Variants in RSPRY1 observed in about 807,000 individuals in gnomAD.
RSPRY1 encodes RING finger and SPRY domain-containing protein 1.
RSPRY1 carries 23 observed loss-of-function variants against 73.1 expected under a neutral mutation model. That is an observed-to-expected ratio of 0.31 (90% CI 0.23 to 0.45). The LOEUF is 0.45. RSPRY1 is among the 20% of genes least tolerant of loss of function. The pLI, the probability that RSPRY1 is intolerant of heterozygous loss-of-function variation, is 1.00. For synonymous variants in RSPRY1, 226 were observed against 251.4 expected, an observed-to-expected ratio of 0.90 and a Z score of 0.95; for missense variants, 448 against 698.7, an observed-to-expected ratio of 0.64 and a Z score of 4.05.
intron 10 of RSPRY1, among the ~76,000 whole-genome samples, chr16:57,221,765 A>G (rs569406039): frequency 6.6e-6 from 1 of 152,312 alleles, no homozygotes; most frequent in East Asian, 1.9e-4. Context: ...CCTTGAATTG[A>G]AGCTCTTAAG....
intron 9 of RSPRY1, 48 bp downstream of exon 9, chr16:57,220,895 T>C: frequency 7.6e-7 from 1 of 1,319,018 alleles, no homozygotes; most frequent in African/African-American, 1.4e-5. Flanking sequence ...GAGAGGGTAA[T>C]TATTTTAATC....
In RSPRY1 at chr16:57,229,232, G is replaced by A. The variant is rs577789490; in HGVS notation, c.1274-1479G>A. Among the ~76,000 whole-genome samples the A allele has an allele frequency of 9.2e-5, 14 of 152,248 alleles. No individual in the cohort carries two copies. In the South Asian group the frequency reaches 2.9e-3, roughly 32 times the overall value. On this transcript the variant is annotated intron_variant, in intron 11 of 14. Coordinates refer to ENST00000394420, the MANE Select transcript of RSPRY1 (RefSeq NM_133368.3). ...AGATTTTCCTCCACCAGCATTGAGT[G>A]TCCATTTTTCTTGTCATTGCTGTGT...
At position 57,240,161 on chromosome 16, in the gene RSPRY1, T is replaced by G. The variant is rs1237042916; in HGVS notation, c.*1186T>G. 1 of 152,192 alleles carries G rather than the reference T, an allele frequency of 6.6e-6. No homozygotes were observed. The highest frequency in any genetic ancestry group is 1.9e-4 in the East Asian group (1 of 5,198). 9.4% of individuals were successfully genotyped at this position (152,192 alleles called of 1,614,324 possible). On this transcript the variant is annotated 3_prime_UTR_variant, in exon 15 of 15. Transcript: ENST00000394420. ...CCTTACAGAGTTTATACTTGAATAGTAAATATGTCTTCTGAGTTTTACAGT... is the reference window on the plus strand; with the variant it reads ...CCTTACAGAGTTTATACTTGAATAGGAAATATGTCTTCTGAGTTTTACAGT...
intron 4 of RSPRY1, 38 bp downstream of exon 4, chr16:57,209,225 T>C: frequency 7.5e-7 from 1 of 1,332,094 alleles, no homozygotes; most frequent in Non-Finnish European, 1.1e-6. Context: ...CTATCATTTG[T>C]GCTTAAGCAC....
intron 5 of RSPRY1, among the ~76,000 whole-genome samples, chr16:57,213,549 G>A (rs927510530): frequency 6.6e-6 from 1 of 152,220 alleles, no homozygotes; most frequent in Non-Finnish European, 1.5e-5. Flanking sequence ...GTTTATGAAT[G>A]TTACCCATTT....
Position 57,213,074 on chromosome 16 carries a change from G to T in RSPRY1, c.619G>T (p.Gly207Cys). 3 of 1,613,402 alleles carry T rather than the reference G, an allele frequency of 1.9e-6. No homozygotes were observed. Among genetic ancestry groups the T allele is most frequent in the Non-Finnish European group, 2.5e-6 (3 of 1,179,624 alleles). Residue 207 changes from glycine (G) to cysteine (C), a missense_variant, in exon 5 of 15, where the codon GGC becomes TGC. By Grantham distance (159) the Gly-to-Cys change is radical. Coordinates refer to ENST00000394420, the MANE Select transcript of RSPRY1 (RefSeq NM_133368.3). The part of the protein sequence containing the change: ...AKHRNTSAVL[G>C]CLAEKLAGPA... ...ACACAGGAACACATCTGCAGTCCTAGGCTGCTTGGCCGAGAAACTAGCAGG... is the reference window on the plus strand; with the variant it reads ...ACACAGGAACACATCTGCAGTCCTATGCTGCTTGGCCGAGAAACTAGCAGG...
intron 3 of RSPRY1, among the ~76,000 whole-genome samples, chr16:57,208,677 G>T (rs2074777429): frequency 6.6e-6 from 1 of 152,020 alleles, no homozygotes; most frequent in African/African-American, 2.4e-5. Context: ...TGGGATTACA[G>T]GTGTGAGCCA....
intron 10 of RSPRY1, among the ~76,000 whole-genome samples, chr16:57,222,810 A>G (rs182382189): frequency 5.9e-5 from 9 of 152,330 alleles, no homozygotes; most frequent in Admixed American, 5.9e-4. Flanking sequence ...GGAAGCTTCG[A>G]TATAAAACTT....
intron 11 of RSPRY1, among the ~76,000 whole-genome samples, chr16:57,229,832 A>G (rs1274733036): frequency 6.9e-6 from 1 of 145,208 alleles, no homozygotes; most frequent in East Asian, 2.1e-4. Flanking sequence ...CAGCCTCCCA[A>G]GTAGCTGGGA....
intron 10 of RSPRY1, among the ~76,000 whole-genome samples, chr16:57,225,160 A>G (rs1354600180): frequency 6.6e-6 from 1 of 152,238 alleles, no homozygotes; most frequent in Non-Finnish European, 1.5e-5. Flanking sequence ...TCCCAGGTTC[A>G]GGCGATTCTT....
intron 13 of RSPRY1, among the ~76,000 whole-genome samples, chr16:57,233,764 A>T (rs905630671): frequency 6.6e-6 from 1 of 152,150 alleles, no homozygotes; most frequent in African/African-American, 2.4e-5. Context: ...TCCACATTCA[A>T]TCCCTCAGCA....
intron 5 of RSPRY1, among the ~76,000 whole-genome samples, 194 bp downstream of exon 5, chr16:57,213,292 A>C (rs1175403424): frequency 6.6e-6 from 1 of 152,212 alleles, no homozygotes; most frequent in African/African-American, 2.4e-5. Flanking sequence ...AGCTTTGTGG[A>C]TTTTCAGGGG....
intron 1 of RSPRY1, among the ~76,000 whole-genome samples, chr16:57,190,927 C>T (rs1478154899): frequency 6.6e-6 from 1 of 152,192 alleles, no homozygotes; most frequent in African/African-American, 2.4e-5. Flanking sequence ...TCTTAGAGAA[C>T]ATTCCGCTTT....
intron 1 of RSPRY1, among the ~76,000 whole-genome samples, chr16:57,187,409 G>A (rs2146121092): frequency 6.6e-6 from 1 of 152,326 alleles, no homozygotes; most frequent in Admixed American, 6.5e-5. Context: ...CCCCTGGAGT[G>A]TTGTACTTTG....
chr16:57,233,976 A>G (rs528310520), intron 13 of RSPRY1, among the ~76,000 whole-genome samples: 360 of 152,200 alleles, frequency 2.4e-3, no homozygotes, highest in Middle Eastern at 3.4e-3. Context: ...CAGATCACAC[A>G]CTTCTCTGCT....
At chr16:57,197,546 T>A (rs2074472663) in intron 1 of RSPRY1, among the ~76,000 whole-genome samples, 1 of 152,218 alleles carries the variant, frequency 6.6e-6, no homozygotes, top group African/African-American at 2.4e-5. Flanking sequence ...ACAGTTTTTT[T>A]AAAAGCCTCA....
chr16:57,198,994 A>G (rs1413283641), intron 1 of RSPRY1, among the ~76,000 whole-genome samples: 12 of 152,024 alleles, frequency 7.9e-5, no homozygotes, highest in Admixed American at 7.9e-4. Context: ...ATCCTGGACT[A>G]CTCCCTTCTA....
At chr16:57,218,797 G>A (rs1474689539) in intron 8 of RSPRY1, among the ~76,000 whole-genome samples, 2 of 109,258 alleles carry the variant, frequency 1.8e-5, no homozygotes, top group Non-Finnish European at 3.6e-5. Context: ...GTGCAGTGGC[G>A]GGATCTCGGC....
At chr16:57,227,979 A>G (rs2146353382) in intron 11 of RSPRY1, among the ~76,000 whole-genome samples, 1 of 152,322 alleles carries the variant, frequency 6.6e-6, no homozygotes, top group Middle Eastern at 3.4e-3. Context: ...TTGCTACCCC[A>G]ATCAGCATTA....
Sources: allele counts gnomAD v4.1 joint callset (sites outside exome capture counted in the v4.1 genomes callset), GRCh38; gene constraint gnomAD v4.1.1; transcripts MANE v1.5; gene names NCBI Gene and HGNC (gene_info 2026-07-23, HGNC 2026-07-21).